The following LRFN2 variants were observed in gnomAD, a reference collection of about 807,000 sequenced individuals.
LRFN2 encodes leucine rich repeat and fibronectin type III domain containing 2, also known as leucine-rich repeat and fibronectin type-III domain-containing protein 2.
LRFN2 carries 18 observed loss-of-function variants against 37.3 expected under a neutral mutation model. That is an observed-to-expected ratio of 0.48 (90% CI 0.33 to 0.72). LRFN2 has a LOEUF of 0.72. Among genes scored for constraint, LRFN2 ranks in the 30% least tolerant of loss-of-function variants. The pLI is 0.02. For missense variants in LRFN2, 1,006 were observed against 1,060.7 expected (o/e 0.95, Z 0.72); for synonymous variants, 556 against 466.6 (o/e 1.19, Z -2.47).
intron 1 of LRFN2, among the ~76,000 whole-genome samples, chr6:40,541,770 G>A (rs554378945): frequency 6.6e-6 from 1 of 152,334 alleles, no homozygotes; most frequent in Non-Finnish European, 1.5e-5. Context: ...AGGGATACAT[G>A]ACTCTCCTGA....
At chr6:40,581,005 T>G (rs1013853468) in intron 1 of LRFN2, among the ~76,000 whole-genome samples, 15 of 151,280 alleles carry the variant, frequency 9.9e-5, no homozygotes, top group East Asian at 1.9e-4. Context: ...CTGGTGGGGG[T>G]GTGTGTGTAT....
intron 2 of LRFN2, among the ~76,000 whole-genome samples, chr6:40,412,436 C>T (rs1158019032): frequency 6.6e-6 from 1 of 152,170 alleles, no homozygotes; most frequent in African/African-American, 2.4e-5. Flanking sequence ...GCTCCGGGGT[C>T]CCATAGGTAA....
intron 1 of LRFN2, among the ~76,000 whole-genome samples, chr6:40,536,092 C>T (rs1378065911): frequency 6.6e-6 from 1 of 152,116 alleles, no homozygotes; most frequent in Non-Finnish European, 1.5e-5. Flanking sequence ...GGAGGTTCTG[C>T]TTCAAGCAGA....
At chr6:40,507,780 A>G (rs902544791) in intron 1 of LRFN2, among the ~76,000 whole-genome samples, 1 of 152,084 alleles carries the variant, frequency 6.6e-6, no homozygotes, top group African/African-American at 2.4e-5. Context: ...GAAACGACCT[A>G]CTCACAAAAT....
At chr6:40,524,798 T>A (rs1286817320) in intron 1 of LRFN2, among the ~76,000 whole-genome samples, 2 of 152,148 alleles carry the variant, frequency 1.3e-5, no homozygotes, top group East Asian at 3.9e-4. Context: ...TAGTAACAAC[T>A]CATTCTTATC....
At chr6:40,425,712 G>C (rs1240262362) in intron 2 of LRFN2, among the ~76,000 whole-genome samples, 3 of 152,268 alleles carry the variant, frequency 2.0e-5, no homozygotes, top group African/African-American at 7.2e-5. Context: ...CTGGTGGACT[G>C]TCTGTCTCCA....
rs548490184 is a variant in LRFN2 at position 40,457,909 on chromosome 6, G to A, written c.-18-24778C>T. Among the ~76,000 whole-genome samples the A allele has an allele frequency of 2.0e-5, 3 of 152,272 alleles. No homozygotes were observed. The South Asian group carries it at 6.2e-4, about 32-fold the overall frequency. On this transcript the variant is annotated intron_variant, in intron 1 of 2. Coordinates refer to ENST00000338305, the MANE Select transcript of LRFN2 (RefSeq NM_020737.3). ...GATATGATCATCCAGCCCCTTTCCT[G>A]TCCTGCCATGAGGGTCAAGGGGGCT...
In LRFN2 at chr6:40,429,367, C is replaced by T. The variant is rs564027448; in HGVS notation, c.1400+2347G>A. ...CAACATCTTCTCTCCCCCTCACGAA[C>T]TGCGTTTCCCTGTGCAAACTGCAGA... On this transcript the variant is annotated intron_variant, in intron 2 of 2. Coordinates refer to ENST00000338305, the MANE Select transcript of LRFN2 (RefSeq NM_020737.3). Among the ~76,000 whole-genome samples, 201 of 152,366 alleles carry T rather than the reference C, an allele frequency of 1.3e-3. 2 individuals are homozygous for T. Among genetic ancestry groups the T allele is most frequent in the African/African-American group, 4.6e-3 (191 of 41,584 alleles).
chr6:40,469,478 G>C (rs574828771), intron 1 of LRFN2, among the ~76,000 whole-genome samples: 2 of 152,274 alleles, frequency 1.3e-5, no homozygotes, highest in South Asian at 4.2e-4. Context: ...CAGGGCTCAG[G>C]GTTAGATGGG....
chr6:40,486,200 G>C (rs1764954898), intron 1 of LRFN2, among the ~76,000 whole-genome samples: 1 of 152,182 alleles, frequency 6.6e-6, no homozygotes, highest in Non-Finnish European at 1.5e-5. Context: ...GGTGTGGGCA[G>C]TGGGCAGTGG....
chr6:40,437,039 C>A (rs1000960419), intron 1 of LRFN2, among the ~76,000 whole-genome samples: 2 of 151,946 alleles, frequency 1.3e-5, no homozygotes, highest in African/African-American at 4.8e-5. Flanking sequence ...TTCTATGGCC[C>A]CATGAGAAAG....
At chr6:40,499,447 G>C (rs1047948791) in intron 1 of LRFN2, among the ~76,000 whole-genome samples, 1 of 152,130 alleles carries the variant, frequency 6.6e-6, no homozygotes, top group African/African-American at 2.4e-5. Flanking sequence ...TGGGCGGAAA[G>C]CTGACTCCCA....
Position 40,438,848 on chromosome 6 carries a change from T to C in LRFN2, c.-18-5717A>G, listed in dbSNP as rs548057495. On this transcript the variant is annotated intron_variant, in intron 1 of 2. Coordinates refer to ENST00000338305, the MANE Select transcript of LRFN2 (RefSeq NM_020737.3). ...TCACACACATACACGTGTTCAGAAA[T>C]ACATACTGGCAATAATAAATATAAA... 4.6e-5 allele frequency among the ~76,000 whole-genome samples: 7 copies of C among 152,286 alleles called. No individual in the cohort carries two copies. The South Asian group carries it at 1.2e-3, about 27-fold the overall frequency.
At chr6:40,563,204 T>C (rs950353228) in intron 1 of LRFN2, among the ~76,000 whole-genome samples, 4 of 152,202 alleles carry the variant, frequency 2.6e-5, no homozygotes, top group African/African-American at 9.6e-5. Flanking sequence ...GGCTCCTCTC[T>C]CCGCTCTGCT....
chr6:40,482,729 C>T (rs1300089866), intron 1 of LRFN2, among the ~76,000 whole-genome samples: 1 of 152,248 alleles, frequency 6.6e-6, no homozygotes, highest in Non-Finnish European at 1.5e-5. Flanking sequence ...CGCCCTCGCC[C>T]TGCCCATCTC....
At chr6:40,443,312 T>C (rs1763888057) in intron 1 of LRFN2, among the ~76,000 whole-genome samples, 1 of 152,162 alleles carries the variant, frequency 6.6e-6, no homozygotes, top group African/African-American at 2.4e-5. Context: ...TCAGTAAACA[T>C]AATTCATAGA....
intron 1 of LRFN2, among the ~76,000 whole-genome samples, chr6:40,476,599 C>T (rs1764713528): frequency 6.6e-6 from 1 of 152,234 alleles, no homozygotes; most frequent in African/African-American, 2.4e-5. Flanking sequence ...TTGTATACAC[C>T]CTTCAAAGCT....
chr6:40,393,078 G>T (rs970651590), intron 2 of LRFN2, among the ~76,000 whole-genome samples, 166 bp from the exon 3 acceptor site: 8 of 151,362 alleles, frequency 5.3e-5, no homozygotes, highest in Admixed American at 4.6e-4. Flanking sequence ...GGGAAAGAAA[G>T]GGACAGAGGA....
chr6:40,583,027 A>G (rs1292306042), intron 1 of LRFN2, among the ~76,000 whole-genome samples: 4 of 152,006 alleles, frequency 2.6e-5, no homozygotes, highest in Non-Finnish European at 4.4e-5. Flanking sequence ...TCACTAATCC[A>G]CCTCTTCTAA....
Sources: gnomAD v4.1 joint callset for allele counts (sites outside exome capture counted in the v4.1 genomes callset) on GRCh38, gnomAD v4.1.1 for gene constraint, MANE v1.5 for transcripts, NCBI Gene and HGNC (gene_info 2026-07-23, HGNC 2026-07-21) for gene names.